FOXP2: variants seen among roughly 807,000 people sequenced by gnomAD.
FOXP2 encodes forkhead box P2.
In FOXP2, 12 loss-of-function variants were observed where a neutral mutation model predicts 115.8. The ratio of observed to expected loss-of-function variants is 0.10; its 90% confidence interval spans 0.07 to 0.17. FOXP2 has a LOEUF of 0.17. Among genes scored for constraint, FOXP2 ranks in the 10% least tolerant of loss-of-function variants. FOXP2 has a pLI of 1.00. For synonymous variants in FOXP2, 328 were observed against 297.7 expected (o/e 1.10, Z -1.05); for missense variants, 629 against 843.5 (o/e 0.75, Z 3.15).
chr7:114,328,339 C>T (rs1386730182), intron 2 of FOXP2, among the ~76,000 whole-genome samples: 1 of 151,280 alleles, frequency 6.6e-6, no homozygotes. Flanking sequence ...TGGATTCACG[C>T]CATTCTCCTG....
intron 2 of FOXP2, among the ~76,000 whole-genome samples, chr7:114,402,636 T>TG (rs1285652777): frequency 6.6e-6 from 1 of 151,812 alleles, no homozygotes; most frequent in African/African-American, 2.4e-5. Context: ...TTTTTTTTTT[T>TG]TGAGACAGGG....
intron 3 of FOXP2, among the ~76,000 whole-genome samples, chr7:114,551,439 T>C (rs1432338208): frequency 6.6e-6 from 1 of 152,180 alleles, no homozygotes. Context: ...TAGAGTGTTC[T>C]ATGGAATAAA....
intron 1 of FOXP2, among the ~76,000 whole-genome samples, chr7:114,247,747 A>G (rs1327026829): frequency 6.6e-6 from 1 of 152,214 alleles, no homozygotes; most frequent in East Asian, 1.9e-4. Flanking sequence ...AGCTTTGCCA[A>G]CATCGCATAG....
At position 114,171,782 on chromosome 7, in the gene FOXP2, G is replaced by A. The variant is rs552227034; in HGVS notation, c.-102+8694G>A. On this transcript the variant is annotated intron_variant, in intron 1 of 17. Transcript: ENST00000634411. ...TAGTAGATTCCTCTGATGGAACTGGGCAAAGTCAATTGAAAACCTTCTAGA... is the reference window on the plus strand; with the variant it reads ...TAGTAGATTCCTCTGATGGAACTGGACAAAGTCAATTGAAAACCTTCTAGA... 1.7e-4 allele frequency among the ~76,000 whole-genome samples: 26 copies of A among 152,302 alleles called. No homozygotes were observed. The South Asian group carries it at 5.4e-3, about 32-fold the overall frequency.
chr7:114,138,686 C>T (rs575111563), intron 1 of FOXP2, among the ~76,000 whole-genome samples: 4 of 152,168 alleles, frequency 2.6e-5, no homozygotes, highest in African/African-American at 9.6e-5. Flanking sequence ...CCACCATGCC[C>T]GGCCAAGCCT....
intron 2 of FOXP2, among the ~76,000 whole-genome samples, chr7:114,509,426 G>T (rs896839127): frequency 1.3e-4 from 20 of 151,980 alleles, no homozygotes; most frequent in African/African-American, 4.8e-4. Context: ...AAAAGAGAAA[G>T]GTATTATGAA....
At chr7:114,649,837 G>T (rs1806135971) in intron 8 of FOXP2, among the ~76,000 whole-genome samples, 1 of 152,064 alleles carries the variant, frequency 6.6e-6, no homozygotes, top group Admixed American at 6.6e-5. Context: ...TCATTGAAGG[G>T]CTGCAAGCTA....
chr7:114,528,434 A>G (rs765733416), intron 2 of FOXP2, among the ~76,000 whole-genome samples: 5 of 152,074 alleles, frequency 3.3e-5, no homozygotes, highest in African/African-American at 4.8e-5. Flanking sequence ...GATAGAAACA[A>G]TGTCATATCA....
In FOXP2 at chr7:114,140,790, C is replaced by A. The variant is rs901421629; in HGVS notation, c.-246-22154C>A. Among the ~76,000 whole-genome samples, 4 of 152,162 alleles carry A rather than the reference C, an allele frequency of 2.6e-5. No homozygotes were observed. In the South Asian group the frequency reaches 8.3e-4, roughly 32 times the overall value. ...AACTAAAGGTGCTGGCTGCCCCAGG[C>A]TCCTTTAGCCACCCTGAGGGTGGAA... On this transcript the variant is annotated intron_variant, in intron 1 of 19. Coordinates refer to the FOXP2 transcript ENST00000635638.
At chr7:114,258,624 A>C (rs1292190566) in intron 1 of FOXP2, among the ~76,000 whole-genome samples, 1 of 152,220 alleles carries the variant, frequency 6.6e-6, no homozygotes, top group Non-Finnish European at 1.5e-5. Flanking sequence ...TATCATAACT[A>C]TTCATTTTAC....
Position 114,415,359 on chromosome 7 carries a change from A to G in FOXP2, c.-12A>G, listed in dbSNP as rs1297224148. 4.5e-6 allele frequency: 2 copies of G among 448,892 alleles called. No individual in the cohort carries two copies. The highest frequency in any genetic ancestry group is 4.8e-5 in the Admixed American group (2 of 41,546). 27.8% of individuals were successfully genotyped at this position (448,892 alleles called of 1,614,324 possible). A position where few individuals can be genotyped will look rare whatever the true frequency, so the allele number is the denominator to read the frequency against. On this transcript the variant is annotated splice_region_variant and 5_prime_UTR_variant, in exon 1 of 17. Coordinates refer to ENST00000350908, the MANE Select transcript of FOXP2 (RefSeq NM_014491.4). ...AAGTTTGCTCTAACATTTCCAGAGA[A>G]GGTACGTTACTTTTTGCTAAGAGAA...
chr7:114,669,272 A>G (rs1460247128), intron 16 of FOXP2: 2 of 152,056 alleles, frequency 1.3e-5, no homozygotes, highest in Non-Finnish European at 2.9e-5. Context: ...TTCAGCAAAA[A>G]GTAGGAAAGG....
chr7:114,485,175 A>G (rs915906967), intron 2 of FOXP2, among the ~76,000 whole-genome samples: 2 of 151,978 alleles, frequency 1.3e-5, no homozygotes, highest in Admixed American at 6.6e-5. Flanking sequence ...ATGCTTTACA[A>G]TTTGGTCTCA....
At chr7:114,167,058 T>C (rs1207390755) in intron 1 of FOXP2, among the ~76,000 whole-genome samples, 1 of 152,168 alleles carries the variant, frequency 6.6e-6, no homozygotes, top group East Asian at 1.9e-4. Flanking sequence ...GATCCAGCAG[T>C]GACACTCCAA....
At chr7:114,418,523 A>C (rs1046013931) in intron 1 of FOXP2, among the ~76,000 whole-genome samples, 14 of 151,870 alleles carry the variant, frequency 9.2e-5, no homozygotes, top group African/African-American at 3.1e-4. Context: ...TCTTTTTCTC[A>C]GACATTTGAA....
At chr7:114,544,755 C>T (rs1300858567) in intron 3 of FOXP2, among the ~76,000 whole-genome samples, 3 of 152,200 alleles carry the variant, frequency 2.0e-5, no homozygotes, top group Non-Finnish European at 4.4e-5. Flanking sequence ...CTACATTCTA[C>T]CTTCTTCCCA....
chr7:114,656,042 G>C (rs1806567963), intron 10 of FOXP2, among the ~76,000 whole-genome samples: 1 of 152,114 alleles, frequency 6.6e-6, no homozygotes, highest in Non-Finnish European at 1.5e-5. Flanking sequence ...ATCAGTTTGT[G>C]ATTGTACGCC....
intron 2 of FOXP2, among the ~76,000 whole-genome samples, chr7:114,435,806 C>T (rs543600343): frequency 7.9e-5 from 12 of 152,194 alleles, no homozygotes; most frequent in East Asian, 3.9e-4. Flanking sequence ...CCCAAAGTTC[C>T]GGGATTACAG....
At chr7:114,654,903 T>G (rs1395619051) in intron 10 of FOXP2, among the ~76,000 whole-genome samples, 2 of 152,122 alleles carry the variant, frequency 1.3e-5, no homozygotes, top group African/African-American at 4.8e-5. Context: ...TGTCTAATTT[T>G]CTCGTAATGT....
Sources: gnomAD v4.1 joint callset for allele counts (sites outside exome capture counted in the v4.1 genomes callset) on GRCh38, gnomAD v4.1.1 for gene constraint, MANE v1.5 for transcripts, NCBI Gene and HGNC (gene_info 2026-07-23, HGNC 2026-07-21) for gene names.